Variants in RALYL observed in about 807,000 individuals in gnomAD.
The protein encoded by RALYL is RNA-binding Raly-like protein.
RALYL carries 29 observed loss-of-function variants against 35.1 expected under a neutral mutation model. That is an observed-to-expected ratio of 0.83 (90% CI 0.61 to 1.13). The LOEUF is 1.13. RALYL is among the 50% of genes most tolerant of loss of function. The pLI is 0.00. For synonymous variants in RALYL, 120 were observed against 127.6 expected, an observed-to-expected ratio of 0.94 and a Z score of 0.40; for missense variants, 359 against 360.4, an observed-to-expected ratio of 1.00 and a Z score of 0.03.
chr8:84,476,111 G>A (rs1482670857), intron 1 of RALYL, among the ~76,000 whole-genome samples: 1 of 152,090 alleles, frequency 6.6e-6, no homozygotes, highest in East Asian at 1.9e-4. Context: ...GGTACAGAGG[G>A]GAACATTTCA....
chr8:84,651,138 G>A (rs940591501), intron 2 of RALYL, among the ~76,000 whole-genome samples: 1 of 151,832 alleles, frequency 6.6e-6, no homozygotes, highest in African/African-American at 2.4e-5. Context: ...GAGTTAATGG[G>A]TGCAGCACAC....
At chr8:84,884,429 G>A (rs888575265) in intron 7 of RALYL, among the ~76,000 whole-genome samples, 1 of 151,802 alleles carries the variant, frequency 6.6e-6, no homozygotes, top group Non-Finnish European at 1.5e-5. Context: ...GTCCTACAGG[G>A]GTCCTTTGAA....
intron 1 of RALYL, among the ~76,000 whole-genome samples, chr8:84,443,471 T>C (rs887720134): frequency 6.6e-6 from 1 of 152,156 alleles, no homozygotes; most frequent in Non-Finnish European, 1.5e-5. Context: ...TTAGAGCTGA[T>C]TGGATGCCTT....
chr8:84,463,922 G>A (rs1008814110), intron 1 of RALYL, among the ~76,000 whole-genome samples: 2 of 151,762 alleles, frequency 1.3e-5, no homozygotes, highest in Admixed American at 6.6e-5. Flanking sequence ...GGCAACCACT[G>A]GTCTGCTTTG....
intron 4 of RALYL, among the ~76,000 whole-genome samples, chr8:84,818,919 G>T (rs1827921481): frequency 6.6e-6 from 1 of 152,142 alleles, no homozygotes; most frequent in Non-Finnish European, 1.5e-5. Flanking sequence ...GTGACAGCAT[G>T]ACAAGCTAAA....
At chr8:84,218,602 T>C (rs1454240891) in intron 1 of RALYL, among the ~76,000 whole-genome samples, 1 of 152,016 alleles carries the variant, frequency 6.6e-6, no homozygotes, top group Non-Finnish European at 1.5e-5. Context: ...TCTGTACAGG[T>C]CAGAACTCCA....
chr8:84,602,234 T>C (rs1277432393), intron 2 of RALYL, among the ~76,000 whole-genome samples: 1 of 152,006 alleles, frequency 6.6e-6, no homozygotes, highest in Admixed American at 6.6e-5. Flanking sequence ...CCAATAACTG[T>C]TTTTCATCTT....
At chr8:84,213,411 A>C (rs931771158) in intron 1 of RALYL, among the ~76,000 whole-genome samples, 1 of 152,182 alleles carries the variant, frequency 6.6e-6, no homozygotes, top group African/African-American at 2.4e-5. Context: ...CAACAAATAA[A>C]TGAATAAATT....
At position 84,317,706 on chromosome 8, in the gene RALYL, A is replaced by T. The variant is rs186379968; in HGVS notation, c.-24+133282A>T. Reference sequence around the variant, plus strand: ...CCAGGATGGAAGAGAGAAGGGATGTATATTCTGTAAGCAACTATCAGTGTC... The same window carrying T: ...CCAGGATGGAAGAGAGAAGGGATGTTTATTCTGTAAGCAACTATCAGTGTC... On this transcript the variant is annotated intron_variant, in intron 1 of 8. Transcript: ENST00000521268. Among the ~76,000 whole-genome samples the T allele has an allele frequency of 4.6e-3, 699 of 152,300 alleles. 2 individuals are homozygous for T. The highest frequency in any genetic ancestry group is 7.2e-3 in the Non-Finnish European group (487 of 68,020).
At chr8:84,219,290 G>A (rs547658123) in intron 1 of RALYL, among the ~76,000 whole-genome samples, 5 of 152,058 alleles carry the variant, frequency 3.3e-5, no homozygotes, top group South Asian at 2.1e-4. Context: ...ATAAATGTTC[G>A]GTAGTTCCTC....
intron 1 of RALYL, among the ~76,000 whole-genome samples, chr8:84,507,179 T>TATCA (rs1314535065): frequency 6.6e-6 from 1 of 152,126 alleles, no homozygotes; most frequent in African/African-American, 2.4e-5. Context: ...ACTAGGATAC[T>TATCA]ATCACCAAAG....
intron 2 of RALYL, among the ~76,000 whole-genome samples, chr8:84,681,408 G>A (rs1835459785): frequency 6.6e-6 from 1 of 152,144 alleles, no homozygotes; most frequent in Admixed American, 6.5e-5. Context: ...TAGCTTGATG[G>A]GGATGGCATT....
chr8:84,743,570 G>T (rs762327367), intron 2 of RALYL, among the ~76,000 whole-genome samples: 114 of 152,006 alleles, frequency 7.5e-4, no homozygotes, highest in Non-Finnish European at 1.4e-3. Flanking sequence ...ACTGAATACA[G>T]CTACTTAGTC....
intron 2 of RALYL, among the ~76,000 whole-genome samples, chr8:84,569,828 A>G (rs937126231): frequency 1.4e-4 from 22 of 151,804 alleles, no homozygotes; most frequent in African/African-American, 4.3e-4. Context: ...CCCCAACACT[A>G]TTTATCAAGT....
At chr8:84,577,355 G>A (rs1378458349) in intron 2 of RALYL, among the ~76,000 whole-genome samples, 2 of 152,212 alleles carry the variant, frequency 1.3e-5, no homozygotes, top group Non-Finnish European at 2.9e-5. Flanking sequence ...AGCGTGGCAG[G>A]TAGAGTGAAG....
intron 1 of RALYL, among the ~76,000 whole-genome samples, chr8:84,391,807 A>G (rs920863863): frequency 6.6e-6 from 1 of 152,048 alleles, no homozygotes; most frequent in Admixed American, 6.6e-5. Context: ...GTTAAATGAG[A>G]GACTGCAGGA....
intron 1 of RALYL, among the ~76,000 whole-genome samples, chr8:84,512,070 G>A (rs139928407): frequency 3.8e-4 from 58 of 152,182 alleles, no homozygotes; most frequent in Non-Finnish European, 5.3e-4. Context: ...TAGTGAGATC[G>A]CTGGATCATA....
At chr8:84,881,302 T>G (rs890661322) in intron 7 of RALYL, among the ~76,000 whole-genome samples, 8 of 151,982 alleles carry the variant, frequency 5.3e-5, no homozygotes, top group Non-Finnish European at 1.0e-4. Context: ...TAATATAAAA[T>G]TTTTCTTAAA....
At chr8:84,691,072 C>T (rs182716648) in intron 2 of RALYL, among the ~76,000 whole-genome samples, 1 of 152,124 alleles carries the variant, frequency 6.6e-6, no homozygotes, top group Admixed American at 6.6e-5. Flanking sequence ...TAACATTTTC[C>T]AGGCAAGTCA....
Sources: gnomAD v4.1 joint callset for allele counts (sites outside exome capture counted in the v4.1 genomes callset) on GRCh38, gnomAD v4.1.1 for gene constraint, MANE v1.5 for transcripts, NCBI Gene and HGNC (gene_info 2026-07-23, HGNC 2026-07-21) for gene names.